DOCK1: variants seen among roughly 807,000 people sequenced by gnomAD.
DOCK1 encodes dedicator of cytokinesis 1.
In DOCK1, 138 loss-of-function variants were observed where a neutral mutation model predicts 262.7. That is an observed-to-expected ratio of 0.53 (90% confidence interval 0.46 to 0.61). The LOEUF (loss-of-function observed/expected upper bound fraction) is 0.61. Ranked by LOEUF, DOCK1 falls within the 20% of genes least tolerant of loss-of-function variation. The pLI, the probability that DOCK1 is intolerant of heterozygous loss-of-function variation, is 0.00. For missense variants in DOCK1, 1,908 were observed against 2,370.7 expected (o/e 0.80, Z 4.05); for synonymous variants, 866 against 867.4 (o/e 1.00, Z 0.03).
At chr10:126,973,360 C>A (rs11018177) in intron 2 of DOCK1, among the ~76,000 whole-genome samples, 1 of 152,010 alleles carries the variant, frequency 6.6e-6, no homozygotes, top group African/African-American at 2.4e-5. Flanking sequence ...TCCTGAGTAC[C>A]TGGGATTGCA....
chr10:127,398,132 A>C (rs1714025806), intron 38 of DOCK1, among the ~76,000 whole-genome samples: 1 of 152,236 alleles, frequency 6.6e-6, no homozygotes, highest in African/African-American at 2.4e-5. Flanking sequence ...TTTGAGCTGC[A>C]GACCGTCTTT....
chr10:127,261,106 C>A (rs528708772), intron 29 of DOCK1, among the ~76,000 whole-genome samples: 41 of 111,844 alleles, frequency 3.7e-4, no homozygotes, highest in Non-Finnish European at 6.4e-4. Context: ...TGTGTACCTG[C>A]ATGTGTGTGC....
intron 29 of DOCK1, among the ~76,000 whole-genome samples, chr10:127,260,866 T>C (rs1408035149): frequency 8.3e-6 from 1 of 119,840 alleles, no homozygotes; most frequent in Non-Finnish European, 1.8e-5. Flanking sequence ...CATCTGTGTG[T>C]GTGCATGTGT....
At chr10:127,280,557 G>A (rs2060923592) in intron 29 of DOCK1, among the ~76,000 whole-genome samples, 1 of 152,052 alleles carries the variant, frequency 6.6e-6, no homozygotes, top group African/African-American at 2.4e-5. Context: ...ACAACTGCTG[G>A]GGACAAAGTT....
At chr10:127,200,684 G>A (rs1018330704) in intron 27 of DOCK1, among the ~76,000 whole-genome samples, 18 of 152,176 alleles carry the variant, frequency 1.2e-4, no homozygotes, top group Non-Finnish European at 2.5e-4. Flanking sequence ...GATTACAGGC[G>A]TGAGCCACTG....
At chr10:127,416,174 A>G (rs954395451) in intron 44 of DOCK1, among the ~76,000 whole-genome samples, 5 of 152,114 alleles carry the variant, frequency 3.3e-5, no homozygotes, top group African/African-American at 1.2e-4. Context: ...TTTATACTCA[A>G]AGCACCCAGG....
At chr10:127,230,814 A>G (rs761421764) in intron 27 of DOCK1, among the ~76,000 whole-genome samples, 2 of 151,612 alleles carry the variant, frequency 1.3e-5, no homozygotes, top group African/African-American at 4.8e-5. Flanking sequence ...TTCCAAACCC[A>G]TCTTAGAATT....
chr10:127,317,023 C>T (rs952858028), intron 29 of DOCK1, among the ~76,000 whole-genome samples: 2 of 152,190 alleles, frequency 1.3e-5, no homozygotes, highest in Admixed American at 6.5e-5. Context: ...TCTGTATACA[C>T]GCCATATCAT....
chr10:127,214,970 C>T (rs2058141678), intron 27 of DOCK1, among the ~76,000 whole-genome samples: 1 of 152,162 alleles, frequency 6.6e-6, no homozygotes, highest in African/African-American at 2.4e-5. Flanking sequence ...GTCACCCGCT[C>T]CTTTCCGCCT....
chr10:127,112,304 G>T (rs1267572935), intron 25 of DOCK1, among the ~76,000 whole-genome samples: 1 of 152,142 alleles, frequency 6.6e-6, no homozygotes. Context: ...GAGCCACCGA[G>T]CCTGACCCCA....
chr10:127,078,710 T>A (rs539765038), intron 23 of DOCK1, among the ~76,000 whole-genome samples: 33 of 152,216 alleles, frequency 2.2e-4, no homozygotes, highest in African/African-American at 7.7e-4. Context: ...TGCCCATCAG[T>A]CAACAAGTAG....
intron 27 of DOCK1, among the ~76,000 whole-genome samples, chr10:127,162,065 C>T (rs1330637110): frequency 6.6e-6 from 1 of 152,132 alleles, no homozygotes; most frequent in Non-Finnish European, 1.5e-5. Context: ...TCATGGGTTT[C>T]GAGAACGTTA....
In DOCK1 at chr10:126,942,126, A is replaced by G. The variant is rs889310672; in HGVS notation, c.47-28576A>G. Among the ~76,000 whole-genome samples, 1,192 of 151,804 alleles carry G rather than the reference A, an allele frequency of 7.9e-3. 17 individuals carry two copies. Among genetic ancestry groups the G allele is most frequent in the African/African-American group, 0.027 (1,126 of 41,392 alleles). On this transcript the variant is annotated intron_variant, in intron 1 of 51. Transcript: ENST00000623213. ...TGCAAGCTCTGCCTCCCGGTTTCAC[A>G]CCATTCTCCTGCCTCAGCCTCCCGA...
intron 12 of DOCK1, among the ~76,000 whole-genome samples, chr10:127,016,922 A>G (rs1382550820): frequency 7.8e-6 from 1 of 128,484 alleles, no homozygotes; most frequent in Non-Finnish European, 1.7e-5. Flanking sequence ...TACACCACAC[A>G]CCACACACAC....
In DOCK1 at chr10:127,377,156, A is replaced by G. The variant is rs2065542220; in HGVS notation, c.3676-2926A>G. 2.0e-5 allele frequency among the ~76,000 whole-genome samples: 3 copies of G among 152,206 alleles called. No homozygotes were observed. The South Asian group carries it at 6.2e-4, about 31-fold the overall frequency. ...CCTGGGGATGATAAAATGGATCCCA[A>G]CTGTCACAGTTTTTTCATTTAGAAA... On this transcript the variant is annotated intron_variant, in intron 35 of 51. Transcript: ENST00000623213.
chr10:127,101,157 T>C (rs937008149), intron 23 of DOCK1, among the ~76,000 whole-genome samples: 1 of 151,220 alleles, frequency 6.6e-6, no homozygotes, highest in Non-Finnish European at 1.5e-5. Flanking sequence ...TTGGTTTGGG[T>C]GGTTGGAAGC....
intron 29 of DOCK1, among the ~76,000 whole-genome samples, chr10:127,301,181 A>G (rs1172321663): frequency 6.6e-6 from 1 of 152,194 alleles, no homozygotes; most frequent in Non-Finnish European, 1.5e-5. Context: ...ATCGAGTCTC[A>G]GTTTCAGTGC....
At chr10:126,918,981 G>GGAGGATTTGGAGGAGGAGAAAGTCA (rs1564982408) in intron 1 of DOCK1, among the ~76,000 whole-genome samples, 146 of 107,008 alleles carry the variant, frequency 1.4e-3, no homozygotes, top group African/African-American at 4.4e-3. Context: ...GGAGAAAGCC[G>GGAGGATTTGGAGGAGGAGAAAGTCA]AGAGGGAGTG....
intron 1 of DOCK1, among the ~76,000 whole-genome samples, chr10:126,928,797 C>T (rs1205820133): frequency 6.6e-6 from 1 of 152,200 alleles, no homozygotes; most frequent in African/African-American, 2.4e-5. Flanking sequence ...CCCAATTTAC[C>T]AGAAACTAAA....
Sources: allele counts gnomAD v4.1 joint callset (sites outside exome capture counted in the v4.1 genomes callset), GRCh38; gene constraint gnomAD v4.1.1; transcripts MANE v1.5; gene names NCBI Gene and HGNC (gene_info 2026-07-23, HGNC 2026-07-21).